The following MGST2 variants were observed in gnomAD, a reference collection of about 807,000 sequenced individuals.
The protein encoded by MGST2 is microsomal glutathione S-transferase 2.
A neutral mutation model predicts 16.6 loss-of-function variants in MGST2; 9 were observed. The observed-to-expected ratio is 0.54, with a 90% CI of 0.33 to 0.95. The LOEUF (loss-of-function observed/expected upper bound fraction) is 0.95, where lower values mean the gene tolerates loss of function less well. MGST2 is among the 40% of genes least tolerant of loss of function. The pLI is 0.03. For missense variants in MGST2, 159 were observed against 175.1 expected (o/e 0.91, Z 0.52); for synonymous variants, 79 against 68.0 (o/e 1.16, Z -0.79).
chr4:139,687,844 C>T (rs761040338), intron 2 of MGST2: 1 of 152,190 alleles, frequency 6.6e-6, no homozygotes, highest in African/African-American at 2.4e-5. Context: ...CCCTTCCTTA[C>T]AGGAGAGGAC....
intron 1 of MGST2, 73 bp from the exon 2 acceptor site, chr4:139,678,470 G>A (rs989294958): frequency 1.2e-5 from 13 of 1,083,512 alleles, no homozygotes; most frequent in South Asian, 1.0e-4. Flanking sequence ...ATCTAATTGT[G>A]ATTTAAATTT....
At chr4:139,677,227 G>A (rs542579521) in intron 1 of MGST2, among the ~76,000 whole-genome samples, 40 of 151,856 alleles carry the variant, frequency 2.6e-4, no homozygotes, top group Non-Finnish European at 5.6e-4. Context: ...GGACATGCCC[G>A]TGACATAAAA....
At chr4:139,700,271 A>C (rs1727175484) in intron 3 of MGST2, among the ~76,000 whole-genome samples, 1 of 151,210 alleles carries the variant, frequency 6.6e-6, no homozygotes, top group African/African-American at 2.4e-5. Context: ...AGCTGGGACT[A>C]TAGGTGCCTG....
intron 5 of MGST2, among the ~76,000 whole-genome samples, chr4:139,722,270 A>C (rs941380308): frequency 3.9e-5 from 6 of 152,186 alleles, no homozygotes; most frequent in African/African-American, 1.4e-4. Flanking sequence ...TGTAATTCTT[A>C]TTTTTAAAAG....
intron 5 of MGST2, among the ~76,000 whole-genome samples, chr4:139,721,535 C>G (rs1029125643): frequency 6.6e-6 from 1 of 152,106 alleles, no homozygotes; most frequent in Non-Finnish European, 1.5e-5. Context: ...AACCTGGCAC[C>G]CTGGTAGATA....
rs143381176 is a variant in MGST2, at chr4:139,703,176, C to G, written c.230-279C>G. Among the ~76,000 whole-genome samples the G allele has an allele frequency of 5.6e-3, 850 of 152,072 alleles. 6 individuals are homozygous for G. Among genetic ancestry groups the G allele is most frequent in the African/African-American group, 0.019 (798 of 41,460 alleles). On this transcript the variant is annotated intron_variant, in intron 3 of 4. Transcript: ENST00000265498. ...CCTGACCTCAAGTGATTCACCCCCC[C>G]TCGGCCTCTCAAAGTGTTGGGAATA...
At chr4:139,669,544 G>A (rs813973) in intron 1 of MGST2, among the ~76,000 whole-genome samples, 87,284 of 152,160 alleles carry the variant, frequency 0.57, 26,807 homozygotes, top group East Asian at 0.86. Context: ...CCATGTAGGC[G>A]CTCAGCACTG....
At chr4:139,722,146 T>C (rs1353453372) in intron 5 of MGST2, among the ~76,000 whole-genome samples, 1 of 152,206 alleles carries the variant, frequency 6.6e-6, no homozygotes, top group Non-Finnish European at 1.5e-5. Context: ...GAATGAGAAA[T>C]AGGTTCCTTT....
chr4:139,667,203 C>T (rs943868733), intron 1 of MGST2, among the ~76,000 whole-genome samples: 1 of 152,108 alleles, frequency 6.6e-6, no homozygotes, highest in Non-Finnish European at 1.5e-5. Context: ...AAAAGGAAAG[C>T]GACTCCCAGA....
At chr4:139,682,505 G>C (rs1731304172) in intron 2 of MGST2, among the ~76,000 whole-genome samples, 1 of 152,106 alleles carries the variant, frequency 6.6e-6, no homozygotes, top group African/African-American at 2.4e-5. Flanking sequence ...AGTGGGAGGA[G>C]GTCAACTCAG....
intron 5 of MGST2, among the ~76,000 whole-genome samples, chr4:139,734,110 C>A (rs1205084439): frequency 2.0e-5 from 3 of 152,198 alleles, no homozygotes; most frequent in African/African-American, 4.8e-5. Flanking sequence ...GAGGTGTATT[C>A]CAAAGTGTGA....
In MGST2 at chr4:139,691,951, C is replaced by T. The variant is rs8192095; in HGVS notation, c.159-3246C>T. 1.8e-3 allele frequency among the ~76,000 whole-genome samples: 280 copies of T among 152,238 alleles called. 2 individuals carry two copies. The highest frequency in any genetic ancestry group is 5.8e-3 in the African/African-American group (240 of 41,550). ...TCCTGACCTCGTGATTTGCCCACCT[C>T]GGCCTCCCAAAGTGCTGGGATTACA... On this transcript the variant is annotated intron_variant, in intron 2 of 4. Coordinates refer to ENST00000265498, the MANE Select transcript of MGST2 (RefSeq NM_002413.5).
intron 5 of MGST2, among the ~76,000 whole-genome samples, chr4:139,727,286 C>A (rs1216784603): frequency 6.6e-6 from 1 of 152,146 alleles, no homozygotes; most frequent in Non-Finnish European, 1.5e-5. Context: ...ATTGTGTAGA[C>A]CATTAAAGTG....
rs563742918 is a variant in MGST2 at position 139,684,220 on chromosome 4, C to G, written c.158+5578C>G. 9.2e-5 allele frequency among the ~76,000 whole-genome samples: 14 copies of G among 152,232 alleles called. No individual in the cohort carries two copies. The East Asian group carries it at 2.7e-3, about 29-fold the overall frequency. ...GGATTACAGGTATGAACCACCGTAC[C>G]CGGCCTAAAACCATCAGATCTTGTG... On this transcript the variant is annotated intron_variant, in intron 2 of 4. Coordinates refer to ENST00000265498, the MANE Select transcript of MGST2 (RefSeq NM_002413.5).
downstream of MGST2, among the ~76,000 whole-genome samples, chr4:139,705,971 A>G (rs7659704): frequency 0.14 from 22,032 of 152,208 alleles, 3,588 homozygotes; most frequent in African/African-American, 0.4. Flanking sequence ...CATACATAAC[A>G]CATTTTGACG....
Position 139,665,851 on chromosome 4 carries a change from C to T in MGST2, c.-169C>T, listed in dbSNP as rs557596319. ...TCTGTGACCGGCAGCCCCAGACCTG[C>T]CTGCCTTCCTGACTTCTGTTCCAGA... On this transcript the variant is annotated 5_prime_UTR_variant, in exon 1 of 5. Coordinates refer to ENST00000265498, the MANE Select transcript of MGST2 (RefSeq NM_002413.5). 14 of 708,128 alleles carry T rather than the reference C, an allele frequency of 2.0e-5. No individual in the cohort carries two copies. Among genetic ancestry groups the T allele is most frequent in the Middle Eastern group, 6.7e-4 (2 of 2,980 alleles). 43.9% of individuals were successfully genotyped at this position (708,128 alleles called of 1,614,324 possible).
At chr4:139,705,922 C>G (rs558956738), downstream of MGST2, among the ~76,000 whole-genome samples, 1 of 152,168 alleles carries the variant, frequency 6.6e-6, no homozygotes, top group African/African-American at 2.4e-5. Flanking sequence ...AACGATTCTA[C>G]CTCACAGCTT....
In MGST2 at chr4:139,715,216, T is replaced by A. The variant is rs1727901408; in HGVS notation, c.*48+11020T>A. ...TGGGCCTCTAACCCAATCCCATTCT[T>A]TACCCAGGTACCCCACCACTTACCC... On this transcript the variant is annotated intron_variant, in intron 5 of 5. Coordinates refer to the MGST2 transcript ENST00000616265. The surrounding 1 kb of genome is among the most constrained non-coding windows in gnomAD (Gnocchi z 4.4). Among the ~76,000 whole-genome samples the A allele has an allele frequency of 1.3e-5, 2 of 152,148 alleles. No homozygotes were observed. Among genetic ancestry groups the A allele is most frequent in the African/African-American group, 4.8e-5 (2 of 41,424 alleles).
Position 139,665,982 on chromosome 4 carries a change from A to G in MGST2, c.-38A>G. ...CATTCAAAGTCAAGAAGCGCCATTT[A>G]TCTTCCCGTGCGCTCTACAAATAGT... On this transcript the variant is annotated 5_prime_UTR_variant, in exon 1 of 5. Transcript: ENST00000265498. 6.2e-7 allele frequency: 1 copy of G among 1,610,898 alleles called. No homozygotes were observed. Among genetic ancestry groups the G allele is most frequent in the Non-Finnish European group, 8.5e-7 (1 of 1,177,214 alleles).
Sources: gnomAD v4.1 joint callset for allele counts (sites outside exome capture counted in the v4.1 genomes callset) on GRCh38, gnomAD v4.1.1 for gene constraint, Gnocchi (gnomAD v3.1) non-coding constraint, MANE v1.5 for transcripts, NCBI Gene and HGNC (gene_info 2026-07-23, HGNC 2026-07-21) for gene names.